The following TMPRSS2 variants were observed in gnomAD, a reference collection of about 807,000 sequenced individuals.
TMPRSS2 encodes transmembrane protease serine 2.
In TMPRSS2, 59 loss-of-function variants were observed where a neutral mutation model predicts 67.4. The observed-to-expected ratio is 0.88, with a 90% CI of 0.71 to 1.09. The LOEUF (loss-of-function observed/expected upper bound fraction) is 1.09. Ranked by LOEUF, TMPRSS2 falls within the 50% of genes least tolerant of loss-of-function variation. The probability of loss-of-function intolerance (pLI) is 0.00; values close to 1 mark genes in which losing one functional copy is unlikely to be tolerated. For missense variants in TMPRSS2, 668 were observed against 642.7 expected (o/e 1.04, Z -0.43); for synonymous variants, 257 against 257.0 (o/e 1.00, Z 0.00).
intron 7 of TMPRSS2, among the ~76,000 whole-genome samples, chr21:41,477,626 C>G (rs1174980706): frequency 6.6e-6 from 1 of 152,126 alleles, no homozygotes; most frequent in Non-Finnish European, 1.5e-5. Flanking sequence ...CTAAGGCACA[C>G]CCCCCGGGTT....
At position 41,471,966 on chromosome 21, in the gene TMPRSS2, T is replaced by C. The variant is rs932151677; in HGVS notation, c.915A>G (p.Pro305=). The C allele has an allele frequency of 6.2e-7, 1 of 1,609,646 alleles. No homozygotes were observed. Among genetic ancestry groups the C allele is most frequent in the Non-Finnish European group, 8.5e-7 (1 of 1,177,232 alleles). ...AHCVEKPLNN[P]WHWTAFAGIL... is the part of the protein sequence containing the mutation. Reference sequence around the variant, plus strand: ...TCCCCGCAAATGCCGTCCAATGCCATGGATTGTTAAGAGGTCTGGGAGAGA... The same window carrying C: ...TCCCCGCAAATGCCGTCCAATGCCACGGATTGTTAAGAGGTCTGGGAGAGA... Residue 305 remains proline (P), a synonymous_variant, in exon 10 of 14, where the codon CCA becomes CCG. Transcript: ENST00000332149.
intron 1 of TMPRSS2, among the ~76,000 whole-genome samples, chr21:41,503,149 C>G (rs1302734096): frequency 6.6e-6 from 1 of 152,104 alleles, no homozygotes; most frequent in African/African-American, 2.4e-5. Flanking sequence ...TTCCAAAGGC[C>G]AAATGAGTAA....
chr21:41,490,939 C>T (rs2091330586), intron 3 of TMPRSS2, among the ~76,000 whole-genome samples: 2 of 152,194 alleles, frequency 1.3e-5, no homozygotes, highest in South Asian at 4.1e-4. Context: ...CCTGGCCACA[C>T]CTGTGCCTCC....
At chr21:41,472,350 T>C (rs193253965) in intron 9 of TMPRSS2, among the ~76,000 whole-genome samples, 1 of 152,322 alleles carries the variant, frequency 6.6e-6, no homozygotes, top group Non-Finnish European at 1.5e-5. Context: ...GCTTAATAAA[T>C]GGATACTAAT....
intron 6 of TMPRSS2, among the ~76,000 whole-genome samples, chr21:41,479,753 AC>A (rs2091242113): frequency 6.6e-6 from 1 of 152,080 alleles, no homozygotes; most frequent in Non-Finnish European, 1.5e-5. Context: ...CATATTGAAT[AC>A]CCTAAAGTTG....
chr21:41,503,940 C>T (rs1028105581), intron 1 of TMPRSS2, among the ~76,000 whole-genome samples: 5 of 152,186 alleles, frequency 3.3e-5, no homozygotes, highest in Admixed American at 2.0e-4. Flanking sequence ...GACCCCTGGG[C>T]TATACTGCAG....
chr21:41,470,804 C>T, intron 10 of TMPRSS2, 61 bp from the exon 11 acceptor site: 1 of 773,774 alleles, frequency 1.3e-6, no homozygotes, highest in South Asian at 2.3e-5. Context: ...TCCACCTGGC[C>T]TTCCCACATG....
intron 5 of TMPRSS2, chr21:41,487,386 G>C (rs1449989083): frequency 6.6e-6 from 1 of 152,282 alleles, no homozygotes; most frequent in Non-Finnish European, 1.5e-5. Context: ...GAGGCTGGGG[G>C]CGGGGGGTGA....
intron 7 of TMPRSS2, among the ~76,000 whole-genome samples, chr21:41,477,882 CCCA>C (rs990978187): frequency 3.4e-5 from 5 of 146,778 alleles, no homozygotes; most frequent in Admixed American, 1.4e-4. Flanking sequence ...TGCGCCTCCC[CCCA>C]CCACCACCAC....
chr21:41,477,774 C>T (rs901959388), intron 7 of TMPRSS2, among the ~76,000 whole-genome samples: 7 of 152,080 alleles, frequency 4.6e-5, no homozygotes, highest in African/African-American at 1.7e-4. Flanking sequence ...GTGGTCACAG[C>T]GCCAGGGCAC....
At chr21:41,499,697 CCA>C (rs2091410406) in intron 1 of TMPRSS2, among the ~76,000 whole-genome samples, 1 of 152,160 alleles carries the variant, frequency 6.6e-6, no homozygotes. Context: ...CAAGCGGATC[CCA>C]GTCTCTTCTT....
At chr21:41,482,635 C>A (rs1480800457) in intron 5 of TMPRSS2, among the ~76,000 whole-genome samples, 5 of 152,182 alleles carry the variant, frequency 3.3e-5, no homozygotes, top group Admixed American at 3.3e-4. Context: ...TGACTTGGGT[C>A]TGATTATTGT....
chr21:41,469,955 G>A (rs147986574), intron 11 of TMPRSS2, among the ~76,000 whole-genome samples: 11 of 152,232 alleles, frequency 7.2e-5, no homozygotes, highest in African/African-American at 2.6e-4. Context: ...CTGCTGATGA[G>A]GAGCCAGGAT....
chr21:41,479,717 G>A lies in TMPRSS2; in HGVS notation c.573-435C>T, dbSNP rs184380117. ...TAGCTAAGATGCCAACTTTCTCACC[G>A]AGTGGTAATTCATTCTGAAAACTGG... On this transcript the variant is annotated intron_variant, in intron 6 of 13. Coordinates refer to ENST00000332149, the MANE Select transcript of TMPRSS2 (RefSeq NM_005656.4). 2.6e-4 allele frequency among the ~76,000 whole-genome samples: 40 copies of A among 152,256 alleles called. No individual in the cohort carries two copies. In the East Asian group the frequency reaches 3.7e-3, roughly 14 times the overall value.
chr21:41,469,875 G>C (rs1331606565), intron 11 of TMPRSS2, among the ~76,000 whole-genome samples: 1 of 152,172 alleles, frequency 6.6e-6, no homozygotes, highest in African/African-American at 2.4e-5. Context: ...ACAAATATTT[G>C]TCGATATTCC....
intron 8 of TMPRSS2, among the ~76,000 whole-genome samples, chr21:41,476,089 C>T (rs1310846114): frequency 3.3e-5 from 5 of 152,188 alleles, no homozygotes; most frequent in African/African-American, 1.2e-4. Context: ...TCTAAGCCAC[C>T]GTCCAAAATT....
intron 3 of TMPRSS2, among the ~76,000 whole-genome samples, chr21:41,490,367 C>T (rs1453607391): frequency 3.3e-5 from 5 of 152,136 alleles, no homozygotes; most frequent in East Asian, 3.9e-4. Flanking sequence ...CTGTCCCATT[C>T]GGACATCCAC....
chr21:41,469,966 GC>G (rs1386154275), intron 11 of TMPRSS2, among the ~76,000 whole-genome samples: 2 of 152,102 alleles, frequency 1.3e-5, no homozygotes, highest in African/African-American at 4.8e-5. Flanking sequence ...GAGCCAGGAT[GC>G]CCCCCACTAC....
chr21:41,507,806 C>A, intron 1 of TMPRSS2: 1 of 951,994 alleles, frequency 1.1e-6, no homozygotes. Flanking sequence ...GGACCACCTG[C>A]CCCAACCTCG....
Sources: allele counts gnomAD v4.1 joint callset (sites outside exome capture counted in the v4.1 genomes callset), GRCh38; gene constraint gnomAD v4.1.1; transcripts MANE v1.5; gene names NCBI Gene and HGNC (gene_info 2026-07-23, HGNC 2026-07-21).